CCDC33: variants seen among roughly 807,000 people sequenced by gnomAD.
CCDC33 encodes coiled-coil domain-containing protein 33.
In CCDC33, 94 loss-of-function variants were observed where a neutral mutation model predicts 91.9. That is an observed-to-expected ratio of 1.02 (90% CI 0.87 to 1.21). CCDC33 has a LOEUF of 1.21. CCDC33 is among the 50% of genes most tolerant of loss of function. CCDC33 has a pLI of 0.00. For synonymous variants in CCDC33, 396 were observed against 374.5 expected (o/e 1.06, Z -0.66); for missense variants, 940 against 935.5 (o/e 1.00, Z -0.06).
chr15:74,295,576 G>GC (rs1397527745), intron 10 of CCDC33, among the ~76,000 whole-genome samples, 178 bp from the exon 11 acceptor site: 1 of 152,160 alleles, frequency 6.6e-6, no homozygotes, highest in Non-Finnish European at 1.5e-5. Context: ...AACAGCAAGG[G>GC]CCATGTATTT....
intron 10 of CCDC33, 91 bp downstream of exon 10, chr15:74,281,940 C>T: frequency 8.7e-7 from 1 of 1,147,556 alleles, no homozygotes; most frequent in Non-Finnish European, 1.3e-6. Context: ...TGTTCAGGGA[C>T]TTCTGGGAGG....
rs181803705 is a variant in CCDC33 at position 74,290,247 on chromosome 15, G to A, written c.1096-5507G>A. On this transcript the variant is annotated intron_variant, in intron 10 of 18. Transcript: ENST00000398814. The stretch of plus-strand genomic sequence containing the variant: ...GGCTGGAGCACAATAGCATGATCTC[G>A]GCTCACTTCAACCTCCGCCTCCTGG... 3.4e-3 allele frequency among the ~76,000 whole-genome samples: 504 copies of A among 150,378 alleles called. 5 individuals carry two copies. The highest frequency in any genetic ancestry group is 0.012 in the African/African-American group (488 of 40,892).
chr15:74,298,500 C>G (rs1001772276), intron 11 of CCDC33, among the ~76,000 whole-genome samples: 3 of 152,132 alleles, frequency 2.0e-5, no homozygotes, highest in African/African-American at 2.4e-5. Flanking sequence ...CTTGAGAAGT[C>G]AAGGTTAGCC....
intron 11 of CCDC33, among the ~76,000 whole-genome samples, chr15:74,324,226 C>T (rs1281523650): frequency 1.3e-5 from 2 of 151,978 alleles, no homozygotes; most frequent in Non-Finnish European, 2.9e-5. Context: ...GAGAGGGCAC[C>T]GTGACATACA....
chr15:74,262,885 T>C (rs2142377162), intron 3 of CCDC33, among the ~76,000 whole-genome samples: 1 of 152,304 alleles, frequency 6.6e-6, no homozygotes, highest in Admixed American at 6.5e-5. Flanking sequence ...TACAGCTTCC[T>C]GGCACGTCCC....
chr15:74,281,949 G>A (rs964536729), intron 10 of CCDC33, 100 bp downstream of exon 10: 19 of 992,716 alleles, frequency 1.9e-5, no homozygotes, highest in Non-Finnish European at 2.8e-5. Flanking sequence ...ACTTCTGGGA[G>A]GATGGGACTA....
At chr15:74,317,293 G>A (rs927798949) in intron 11 of CCDC33, among the ~76,000 whole-genome samples, 5 of 152,188 alleles carry the variant, frequency 3.3e-5, no homozygotes, top group African/African-American at 4.8e-5. Flanking sequence ...CCCGGGAGGC[G>A]GAGCTTGCAG....
Position 74,297,944 on chromosome 15 carries a change from A to T in CCDC33, c.1290+1996A>T, listed in dbSNP as rs202153517. 2.6e-5 allele frequency among the ~76,000 whole-genome samples: 4 copies of T among 152,088 alleles called. No individual in the cohort carries two copies. The East Asian group carries it at 7.7e-4, about 29-fold the overall frequency. ...CAGACCTCAGCCCCTGACTCACACC[A>T]CCTCTAGAAGCAGGAACCACAAGCA... On this transcript the variant is annotated intron_variant, in intron 11 of 18. Transcript: ENST00000398814.
intron 11 of CCDC33, among the ~76,000 whole-genome samples, chr15:74,308,654 C>T (rs1446392844): frequency 6.6e-6 from 1 of 152,192 alleles, no homozygotes; most frequent in Non-Finnish European, 1.5e-5. Flanking sequence ...TTAGCCAGCT[C>T]TTACTCAAAC....
chr15:74,269,155 G>A (rs185064034), intron 5 of CCDC33, among the ~76,000 whole-genome samples: 2 of 152,182 alleles, frequency 1.3e-5, no homozygotes, highest in Admixed American at 1.3e-4. Context: ...GCAGGGACCT[G>A]GCCCCTCTCC....
In CCDC33 at chr15:74,333,395, T is replaced by G; in HGVS notation, c.1939-486T>G. On this transcript the variant is annotated intron_variant, in intron 16 of 18. Transcript: ENST00000398814. ...AAGATGCTTCAGGGGCCCCTTGCTT[T>G]ACATAAACCCCAAAGCAGAACATTT... The G allele has an allele frequency of 4.6e-6, 5 of 1,097,078 alleles. No homozygotes were observed. The South Asian group carries it at 5.3e-5, about 12-fold the overall frequency. The allele number at this position is 1,097,078 out of a possible 1,614,324, so 68.0% of individuals were successfully genotyped here.
At chr15:74,292,185 C>T (rs1255357329) in intron 10 of CCDC33, among the ~76,000 whole-genome samples, 1 of 152,196 alleles carries the variant, frequency 6.6e-6, no homozygotes, top group African/African-American at 2.4e-5. Context: ...CCCCACCTTA[C>T]CTGGAGGAAA....
At chr15:74,295,489 G>A (rs1178903573) in intron 10 of CCDC33, among the ~76,000 whole-genome samples, 1 of 152,172 alleles carries the variant, frequency 6.6e-6, no homozygotes, top group Admixed American at 6.5e-5. Context: ...AGCTGCGTAA[G>A]GATCCCTGAG....
chr15:74,301,415 A>G (rs553433564), intron 11 of CCDC33: 1 of 152,426 alleles, frequency 6.6e-6, no homozygotes, highest in Admixed American at 6.5e-5. Flanking sequence ...GGGCAGGGAC[A>G]TGGGGACAAA....
chr15:74,311,693 TG>T (rs2059996829), intron 11 of CCDC33: 1 of 152,158 alleles, frequency 6.6e-6, no homozygotes, highest in African/African-American at 2.4e-5. Context: ...AGCGGGAGGC[TG>T]GCTTAGAATC....
intron 18 of CCDC33, chr15:74,335,694 A>T: frequency 2.1e-6 from 1 of 478,224 alleles, no homozygotes; most frequent in Admixed American, 3.4e-5. Flanking sequence ...GGAAAGGATG[A>T]GGGAACAGGC....
chr15:74,327,888 T>A (rs920585959), intron 11 of CCDC33, among the ~76,000 whole-genome samples: 10 of 152,298 alleles, frequency 6.6e-5, no homozygotes, highest in African/African-American at 1.9e-4. Flanking sequence ...CATCTCTGTG[T>A]GTCAGTATAA....
At chr15:74,293,423 C>A (rs1383043195) in intron 10 of CCDC33, among the ~76,000 whole-genome samples, 1 of 152,178 alleles carries the variant, frequency 6.6e-6, no homozygotes, top group Non-Finnish European at 1.5e-5. Context: ...ATTCATCCAC[C>A]CACTCATTCA....
At position 74,236,624 on chromosome 15, in the gene CCDC33, G is replaced by T. The variant is rs567981690; in HGVS notation, c.-96G>T. ...TAAGGACTCCAAGACGCCCAGGCCA[G>T]CTGTCTGGGCAGGACTGATTCCTGA... On this transcript the variant is annotated 5_prime_UTR_variant, in exon 1 of 19. Transcript: ENST00000398814. 3.1e-5 allele frequency: 36 copies of T among 1,178,284 alleles called. No homozygotes were observed. In the South Asian group the frequency reaches 3.9e-4, roughly 13 times the overall value. The allele number at this position is 1,178,284 out of a possible 1,614,324, so 73.0% of individuals were successfully genotyped here. A position where few individuals can be genotyped will look rare whatever the true frequency, so the allele number is the denominator to read the frequency against.
Sources: gnomAD v4.1 joint callset for allele counts (sites outside exome capture counted in the v4.1 genomes callset) on GRCh38, gnomAD v4.1.1 for gene constraint, MANE v1.5 for transcripts, NCBI Gene and HGNC (gene_info 2026-07-23, HGNC 2026-07-21) for gene names.